CNTNAP2: variants seen among roughly 807,000 people sequenced by gnomAD.
CNTNAP2 encodes the protein contactin-associated protein-like 2.
Under a neutral mutation model 155.2 loss-of-function variants are expected in CNTNAP2, and 98 were observed. The ratio of observed to expected loss-of-function variants is 0.63; its 90% CI spans 0.54 to 0.75. The LOEUF is 0.75. CNTNAP2 is among the 30% of genes least tolerant of loss of function. The pLI, the probability that CNTNAP2 is intolerant of heterozygous loss-of-function variation, is 0.00. For synonymous variants in CNTNAP2, 651 were observed against 631.2 expected, an observed-to-expected ratio of 1.03 and a Z score of -0.47; for missense variants, 1,727 against 1,688.1, an observed-to-expected ratio of 1.02 and a Z score of -0.40.
chr7:148,096,302 T>A (rs1421994677), intron 15 of CNTNAP2, among the ~76,000 whole-genome samples: 1 of 151,992 alleles, frequency 6.6e-6, no homozygotes, highest in East Asian at 1.9e-4. Flanking sequence ...TGTGTGTGTG[T>A]GTGTGTGTGT....
At chr7:146,966,502 T>TATCTGCAATC (rs1250740559) in intron 3 of CNTNAP2, among the ~76,000 whole-genome samples, 1 of 152,232 alleles carries the variant, frequency 6.6e-6, no homozygotes, top group Non-Finnish European at 1.5e-5. Flanking sequence ...ACTCTTTTAA[T>TATCTGCAATC]ATCTGCAATC....
chr7:147,048,058 G>A (rs747612870), intron 4 of CNTNAP2, among the ~76,000 whole-genome samples: 6 of 149,378 alleles, frequency 4.0e-5, no homozygotes, highest in African/African-American at 7.5e-5. Context: ...ATCATGACAC[G>A]GAGAGACAAT....
chr7:148,182,273 C>T (rs1218662775), intron 18 of CNTNAP2, among the ~76,000 whole-genome samples: 1 of 152,174 alleles, frequency 6.6e-6, no homozygotes, highest in Non-Finnish European at 1.5e-5. Context: ...CATTTCTTTT[C>T]TTTTCTTTTG....
chr7:146,154,545 A>T (rs1231416956), intron 1 of CNTNAP2, among the ~76,000 whole-genome samples: 1 of 152,230 alleles, frequency 6.6e-6, no homozygotes, highest in African/African-American at 2.4e-5. Flanking sequence ...ATTTCAGATA[A>T]CAACTGGAAT....
intron 12 of CNTNAP2, among the ~76,000 whole-genome samples, chr7:147,604,027 AG>A (rs1392969306): frequency 1.3e-5 from 2 of 152,200 alleles, no homozygotes; most frequent in African/African-American, 4.8e-5. Context: ...ATATGTAGGA[AG>A]CTGAAATTGG....
At position 147,391,388 on chromosome 7, in the gene CNTNAP2, T is replaced by C. The variant is rs537289762; in HGVS notation, c.1499-4221T>C. 2.5e-4 allele frequency among the ~76,000 whole-genome samples: 38 copies of C among 152,250 alleles called. 1 individual carries two copies. In the South Asian group the frequency reaches 7.3e-3, roughly 29 times the overall value. On this transcript the variant is annotated intron_variant, in intron 9 of 23. Transcript: ENST00000361727. Reference sequence around the variant, plus strand: ...TTTTTATGTATATAGAGGTTGTCTATGTTTACAGCTGCATAGACTCCTGAC... The same window carrying C: ...TTTTTATGTATATAGAGGTTGTCTACGTTTACAGCTGCATAGACTCCTGAC...
chr7:146,137,946 A>G (rs1563136664), intron 1 of CNTNAP2, among the ~76,000 whole-genome samples: 2 of 152,036 alleles, frequency 1.3e-5, no homozygotes, highest in Non-Finnish European at 2.9e-5. Flanking sequence ...AATGAGCACC[A>G]TATTTAAATA....
intron 1 of CNTNAP2, among the ~76,000 whole-genome samples, chr7:146,403,952 C>T (rs948185680): frequency 2.6e-5 from 4 of 151,196 alleles, no homozygotes; most frequent in Non-Finnish European, 5.9e-5. Context: ...GGCGAAACCC[C>T]GTCTCTACTA....
chr7:147,467,137 G>T (rs1009911389), intron 10 of CNTNAP2, among the ~76,000 whole-genome samples: 1 of 152,124 alleles, frequency 6.6e-6, no homozygotes, highest in African/African-American at 2.4e-5. Flanking sequence ...TGGGAGAGCA[G>T]AATGCAATGA....
At chr7:147,137,854 T>C (rs905221317) in intron 8 of CNTNAP2, among the ~76,000 whole-genome samples, 2 of 149,222 alleles carry the variant, frequency 1.3e-5, no homozygotes, top group African/African-American at 2.5e-5. Flanking sequence ...AGATAAATGA[T>C]TGGAAAATAG....
intron 15 of CNTNAP2, among the ~76,000 whole-genome samples, chr7:148,033,873 C>T (rs979220181): frequency 6.6e-6 from 1 of 152,144 alleles, no homozygotes; most frequent in South Asian, 2.1e-4. Context: ...CATATTACTT[C>T]TTCTTACCCC....
intron 8 of CNTNAP2, among the ~76,000 whole-genome samples, chr7:147,268,757 T>A (rs1331875759): frequency 6.6e-6 from 1 of 152,156 alleles, no homozygotes; most frequent in Non-Finnish European, 1.5e-5. Context: ...CATAAGAGAT[T>A]TAAACTATAC....
chr7:147,372,890 T>C (rs1320771759), intron 9 of CNTNAP2, among the ~76,000 whole-genome samples: 1 of 152,044 alleles, frequency 6.6e-6, no homozygotes, highest in Non-Finnish European at 1.5e-5. Flanking sequence ...TCCCTGTCTA[T>C]GGGCACTGCT....
At chr7:147,947,833 C>T (rs374160873) in intron 14 of CNTNAP2, among the ~76,000 whole-genome samples, 1 of 152,114 alleles carries the variant, frequency 6.6e-6, no homozygotes, top group African/African-American at 2.4e-5. Context: ...AAGAACTCCT[C>T]ACAATGCAAA....
chr7:147,611,892 G>A (rs1286777794), intron 12 of CNTNAP2, among the ~76,000 whole-genome samples: 2 of 152,112 alleles, frequency 1.3e-5, no homozygotes, highest in Non-Finnish European at 2.9e-5. Flanking sequence ...AATGCATGAA[G>A]TGTTTCTCAT....
chr7:146,852,023 A>T (rs1794888861), intron 3 of CNTNAP2, among the ~76,000 whole-genome samples: 1 of 152,008 alleles, frequency 6.6e-6, no homozygotes. Flanking sequence ...TTTACAAAAA[A>T]TTTATTTGTT....
At chr7:146,309,095 T>C (rs558122083) in intron 1 of CNTNAP2, among the ~76,000 whole-genome samples, 1 of 152,330 alleles carries the variant, frequency 6.6e-6, no homozygotes, top group African/African-American at 2.4e-5. Flanking sequence ...GAGAACTAGA[T>C]ATGAGAAGAA....
chr7:147,524,872 T>A (rs2116713409), intron 11 of CNTNAP2, among the ~76,000 whole-genome samples: 1 of 152,238 alleles, frequency 6.6e-6, no homozygotes, highest in African/African-American at 2.4e-5. Context: ...GAAGCCTGAG[T>A]CATACAATAA....
At chr7:148,112,472 A>G (rs1403714889) in intron 15 of CNTNAP2, among the ~76,000 whole-genome samples, 1 of 151,674 alleles carries the variant, frequency 6.6e-6, no homozygotes, top group Admixed American at 6.6e-5. Flanking sequence ...CCAGGTTGAA[A>G]TGCAGTGACA....
Sources: allele counts gnomAD v4.1 joint callset (sites outside exome capture counted in the v4.1 genomes callset), GRCh38; gene constraint gnomAD v4.1.1; transcripts MANE v1.5; gene names NCBI Gene and HGNC (gene_info 2026-07-23, HGNC 2026-07-21).